RAD51B: variants seen among roughly 807,000 people sequenced by gnomAD.
RAD51B encodes the protein RAD51 paralog B, also known as DNA repair protein RAD51 homolog 2.
In RAD51B, 38 loss-of-function variants were observed where a neutral mutation model predicts 42.2. That is an observed-to-expected ratio of 0.90 (90% CI 0.70 to 1.18). The LOEUF is 1.18. RAD51B is among the 50% of genes most tolerant of loss of function. The probability of loss-of-function intolerance (pLI) is 0.00; values close to 1 mark genes in which losing one functional copy is unlikely to be tolerated. For missense variants in RAD51B, 373 were observed against 400.7 expected (o/e 0.93, Z 0.59); for synonymous variants, 154 against 145.2 (o/e 1.06, Z -0.43).
intron 7 of RAD51B, among the ~76,000 whole-genome samples, chr14:67,940,944 A>G (rs1340651365): frequency 6.6e-6 from 1 of 152,152 alleles, no homozygotes; most frequent in Non-Finnish European, 1.5e-5. Flanking sequence ...CAACGTGGTC[A>G]TATGCTTGCC....
rs531109635 is a variant in RAD51B at position 68,031,712 on chromosome 14, G to A, written c.756+144508G>A. On this transcript the variant is annotated intron_variant, in intron 7 of 10. Transcript: ENST00000471583. ...AATCAATGAATGAACGGCAGTTTCAGATATTTTCCACTCTTCTCAAACATC... is the reference window on the plus strand; with the variant it reads ...AATCAATGAATGAACGGCAGTTTCAAATATTTTCCACTCTTCTCAAACATC... 4.6e-5 allele frequency among the ~76,000 whole-genome samples: 7 copies of A among 152,198 alleles called. No individual in the cohort carries two copies. The South Asian group carries it at 1.4e-3, about 32-fold the overall frequency.
intron 7 of RAD51B, among the ~76,000 whole-genome samples, chr14:67,962,868 T>C (rs1374078968): frequency 1.3e-5 from 2 of 151,966 alleles, no homozygotes; most frequent in African/African-American, 2.4e-5. Flanking sequence ...ACAATAAAAA[T>C]TGGAAGGTAG....
In RAD51B at chr14:67,893,500, ACAC is replaced by A. The variant is rs1407835595; in HGVS notation, c.756+6297_756+6299del. On this transcript the variant is annotated intron_variant, in intron 7 of 10. Transcript: ENST00000471583. ...CACACACACACACACACACACACAC[ACAC>A]ACACACAAAAAAAAACAATTAGCTG... Among the ~76,000 whole-genome samples the A allele has an allele frequency of 4.8e-4, 50 of 103,532 alleles. 2 individuals are homozygous for A. Among genetic ancestry groups the A allele is most frequent in the Middle Eastern group, 8.3e-3 (2 of 240 alleles). The allele number at this position is 103,532 out of a possible 152,430, so 67.9% of individuals were successfully genotyped here.
At chr14:68,498,019 G>A (rs1281213721) in intron 10 of RAD51B, 1 of 176,426 alleles carries the variant, frequency 5.7e-6, no homozygotes, top group Admixed American at 6.3e-5. Flanking sequence ...ATTTTTTAAG[G>A]TATGTACCTA....
intron 10 of RAD51B, among the ~76,000 whole-genome samples, chr14:68,603,162 C>A (rs1287296348): frequency 6.6e-6 from 1 of 152,188 alleles, no homozygotes; most frequent in Non-Finnish European, 1.5e-5. Flanking sequence ...CCATAGTACC[C>A]AATGGAGTGC....
chr14:67,945,670 C>T (rs2045366289), intron 7 of RAD51B, among the ~76,000 whole-genome samples: 1 of 151,950 alleles, frequency 6.6e-6, no homozygotes, highest in South Asian at 2.1e-4. Flanking sequence ...GGGGTTTCGT[C>T]ATGTTGGCCA....
intron 7 of RAD51B, among the ~76,000 whole-genome samples, chr14:67,893,908 C>T (rs564384425): frequency 1.4e-4 from 21 of 152,254 alleles, no homozygotes; most frequent in South Asian, 4.1e-4. Flanking sequence ...CTCTTGGCTC[C>T]GCTTTCGAAA....
Position 68,616,633 on chromosome 14 carries a change from T to A in RAD51B, c.1037-34148T>A, listed in dbSNP as rs533244774. On this transcript the variant is annotated intron_variant, in intron 10 of 11. Coordinates refer to the RAD51B transcript ENST00000488612. ...CTGGATCTGTGGTATTTATAGTTTTTAACAAATTTGGAAAATTTTCAGCCT... is the reference window on the plus strand; with the variant it reads ...CTGGATCTGTGGTATTTATAGTTTTAAACAAATTTGGAAAATTTTCAGCCT... Among the ~76,000 whole-genome samples, 8 of 152,334 alleles carry A rather than the reference T, an allele frequency of 5.3e-5. No homozygotes were observed. In the East Asian group the frequency reaches 1.2e-3, roughly 22 times the overall value.
chr14:67,969,316 G>C (rs2074850526), intron 7 of RAD51B, among the ~76,000 whole-genome samples: 1 of 152,180 alleles, frequency 6.6e-6, no homozygotes, highest in Non-Finnish European at 1.5e-5. Flanking sequence ...GACTGTCTTA[G>C]AAACACTTGT....
At position 68,177,563 on chromosome 14, in the gene RAD51B, G is replaced by C. The variant is rs574663716; in HGVS notation, c.757-114321G>C. ...TAGGCTGGAGCTTAAGTCCACTTAT[G>C]AGGAGAAAATATATAAAAGCAACTC... On this transcript the variant is annotated intron_variant, in intron 7 of 10. Transcript: ENST00000471583. Among the ~76,000 whole-genome samples the C allele has an allele frequency of 3.3e-5, 5 of 152,194 alleles. No homozygotes were observed. The South Asian group carries it at 1.0e-3, about 32-fold the overall frequency.
intron 7 of RAD51B, among the ~76,000 whole-genome samples, chr14:68,086,200 T>C (rs1177603139): frequency 6.6e-6 from 1 of 151,906 alleles, no homozygotes; most frequent in Non-Finnish European, 1.5e-5. Context: ...TCCCCTGGAG[T>C]TGGGCCGCCC....
At chr14:68,108,784 TAA>T in intron 7 of RAD51B, among the ~76,000 whole-genome samples, 1 of 152,102 alleles carries the variant, frequency 6.6e-6, no homozygotes, top group East Asian at 1.9e-4. Context: ...AATATCTCAA[TAA>T]AATTGTTACG....
rs576162765 is a variant in RAD51B, at chr14:68,155,195, CTT to C, written c.757-136676_757-136675del. ...GGTATCATAGTATAGTATTATATTT[CTT>C]TTTTTTTTTTTTGAGGTGGAGTCTC... On this transcript the variant is annotated intron_variant, in intron 7 of 10. Transcript: ENST00000471583. Among the ~76,000 whole-genome samples the C allele has an allele frequency of 6.3e-3, 888 of 141,662 alleles. 7 individuals carry two copies. The highest frequency in any genetic ancestry group is 0.021 in the African/African-American group (828 of 38,878). 92.9% of individuals were successfully genotyped at this position (141,662 alleles called of 152,430 possible).
In RAD51B at chr14:68,322,713, C is replaced by G. The variant is rs775294604; in HGVS notation, c.853+30733C>G. ...CTCACAGATGCACTCTGTGGAAAGG[C>G]CATTGTCTCCTTGCTTTGTGTTGGA... On this transcript the variant is annotated intron_variant, in intron 8 of 10. Coordinates refer to ENST00000471583, the MANE Select transcript of RAD51B (RefSeq NM_133510.4). Among the ~76,000 whole-genome samples the G allele has an allele frequency of 3.9e-5, 6 of 152,140 alleles. No homozygotes were observed. In the East Asian group the frequency reaches 5.8e-4, roughly 15 times the overall value.
chr14:68,412,425 G>A (rs964033825), intron 9 of RAD51B, among the ~76,000 whole-genome samples: 1 of 152,188 alleles, frequency 6.6e-6, no homozygotes, highest in African/African-American at 2.4e-5. Flanking sequence ...GGCATGAAAT[G>A]TCACACTGGT....
chr14:68,113,343 G>C (rs936655575), intron 7 of RAD51B, among the ~76,000 whole-genome samples: 3 of 152,100 alleles, frequency 2.0e-5, no homozygotes, highest in Non-Finnish European at 4.4e-5. Context: ...GTAGTTCATA[G>C]ATGAAGAATT....
chr14:68,402,732 C>T (rs1234705809), intron 8 of RAD51B, among the ~76,000 whole-genome samples: 7 of 152,216 alleles, frequency 4.6e-5, no homozygotes, highest in South Asian at 2.1e-4. Flanking sequence ...CATTCTCAAA[C>T]TTCCTGGAAC....
intron 4 of RAD51B, among the ~76,000 whole-genome samples, chr14:67,846,165 G>A (rs925251554): frequency 1.3e-5 from 2 of 152,184 alleles, no homozygotes; most frequent in African/African-American, 4.8e-5. Context: ...TGGCTTGGAT[G>A]GGGTGCTGGT....
chr14:68,153,074 G>A (rs977967127), intron 7 of RAD51B, among the ~76,000 whole-genome samples: 2 of 152,066 alleles, frequency 1.3e-5, no homozygotes, highest in African/African-American at 4.8e-5. Flanking sequence ...CATGTGCTAT[G>A]TCTTTATGGT....
Sources: allele counts gnomAD v4.1 joint callset (sites outside exome capture counted in the v4.1 genomes callset), GRCh38; gene constraint gnomAD v4.1.1; transcripts MANE v1.5; gene names NCBI Gene and HGNC (gene_info 2026-07-23, HGNC 2026-07-21).